The following NTM variants were observed in gnomAD, a reference collection of about 807,000 sequenced individuals.
The protein encoded by NTM is IgLON family member 2.
In NTM, 13 loss-of-function variants were observed where a neutral mutation model predicts 42.1. That is an observed-to-expected ratio of 0.31 (90% CI 0.20 to 0.49). NTM has a LOEUF of 0.49. Among genes scored for constraint, NTM ranks in the 20% least tolerant of loss-of-function variants. NTM has a pLI of 0.99. For missense variants in NTM, 373 were observed against 452.8 expected, an observed-to-expected ratio of 0.82 and a Z score of 1.60; for synonymous variants, 187 against 179.2, an observed-to-expected ratio of 1.04 and a Z score of -0.35.
intron 3 of NTM, among the ~76,000 whole-genome samples, chr11:132,154,602 G>A (rs1465540827): frequency 6.6e-6 from 1 of 152,212 alleles, no homozygotes; most frequent in Non-Finnish European, 1.5e-5. Context: ...ATGGCAGAGA[G>A]GGTGAGGATG....
chr11:131,563,653 T>A lies in NTM; in HGVS notation c.82+192765T>A, dbSNP rs560478041. Among the ~76,000 whole-genome samples, 10 of 149,540 alleles carry A rather than the reference T, an allele frequency of 6.7e-5. No individual in the cohort carries two copies. In the East Asian group the frequency reaches 2.0e-3, roughly 30 times the overall value. On this transcript the variant is annotated intron_variant, in intron 1 of 8. Transcript: ENST00000683400. ...CATATTTTTAAGAAACAATACTTAG[T>A]ACAATACCCTTGGATTGATTTCAAA...
intron 1 of NTM, among the ~76,000 whole-genome samples, chr11:131,456,248 G>T (rs1259731263): frequency 6.6e-6 from 1 of 152,216 alleles, no homozygotes; most frequent in Non-Finnish European, 1.5e-5. Context: ...GTCGCTGTTA[G>T]ATAAAACTGG....
chr11:132,019,513 A>G (rs1390139539), intron 2 of NTM, among the ~76,000 whole-genome samples: 4 of 152,024 alleles, frequency 2.6e-5, no homozygotes, highest in Admixed American at 2.0e-4. Flanking sequence ...GCATACCTAT[A>G]TAAGTATTAC....
At chr11:132,124,285 C>A (rs1407724442) in intron 2 of NTM, among the ~76,000 whole-genome samples, 2 of 152,114 alleles carry the variant, frequency 1.3e-5, no homozygotes, top group African/African-American at 4.8e-5. Flanking sequence ...TGGGGCCCTG[C>A]CCTCCCTGAG....
At chr11:132,141,227 C>G (rs1399057304) in intron 2 of NTM, among the ~76,000 whole-genome samples, 3 of 151,952 alleles carry the variant, frequency 2.0e-5, no homozygotes, top group African/African-American at 7.3e-5. Flanking sequence ...CTCTTTCTCT[C>G]TCTCTTTCTG....
intron 3 of NTM, among the ~76,000 whole-genome samples, chr11:132,193,331 A>G (rs1439103182): frequency 6.6e-6 from 1 of 152,238 alleles, no homozygotes; most frequent in African/African-American, 2.4e-5. Flanking sequence ...CAATAAAAAA[A>G]GAAATTATTA....
intron 2 of NTM, among the ~76,000 whole-genome samples, chr11:131,929,010 G>A (rs1238385461): frequency 6.6e-6 from 1 of 152,176 alleles, no homozygotes; most frequent in Non-Finnish European, 1.5e-5. Flanking sequence ...ATTTCTTCAG[G>A]AAAGAAAGTG....
intron 1 of NTM, among the ~76,000 whole-genome samples, chr11:131,806,448 C>G (rs2136273896): frequency 6.6e-6 from 1 of 152,206 alleles, no homozygotes; most frequent in African/African-American, 2.4e-5. Flanking sequence ...TTTCCACATC[C>G]CTGAAGCCTA....
intron 1 of NTM, among the ~76,000 whole-genome samples, chr11:131,866,055 C>CA (rs1329963218): frequency 6.7e-6 from 1 of 148,868 alleles, no homozygotes; most frequent in Non-Finnish European, 1.5e-5. Context: ...TACACACACA[C>CA]TACACACACA....
chr11:132,017,569 A>G (rs1464988698), intron 2 of NTM, among the ~76,000 whole-genome samples: 2 of 152,002 alleles, frequency 1.3e-5, no homozygotes, highest in Non-Finnish European at 2.9e-5. Flanking sequence ...GTAATTTTAT[A>G]GTAAGTTTGA....
At chr11:131,727,844 G>C (rs1419046605) in intron 1 of NTM, among the ~76,000 whole-genome samples, 1 of 152,154 alleles carries the variant, frequency 6.6e-6, no homozygotes, top group Non-Finnish European at 1.5e-5. Context: ...CAAAATGCAA[G>C]AAATCCCTCT....
chr11:131,808,423 C>T (rs2092603742), intron 1 of NTM, among the ~76,000 whole-genome samples: 1 of 152,198 alleles, frequency 6.6e-6, no homozygotes, highest in East Asian at 1.9e-4. Flanking sequence ...TTCAGCAAAG[C>T]ATCTAAGATG....
chr11:131,691,352 A>G (rs1197817483), intron 1 of NTM, among the ~76,000 whole-genome samples: 1 of 152,112 alleles, frequency 6.6e-6, no homozygotes, highest in African/African-American at 2.4e-5. Context: ...CGCTGCCCGG[A>G]TGATAAGGCA....
intron 1 of NTM, among the ~76,000 whole-genome samples, chr11:131,833,181 G>T (rs114912678): frequency 1.3e-5 from 2 of 152,302 alleles, no homozygotes; most frequent in African/African-American, 4.8e-5. Context: ...GCTATATTGT[G>T]TGATTTTTGT....
At chr11:132,131,885 A>G (rs2137083646) in intron 2 of NTM, among the ~76,000 whole-genome samples, 1 of 152,240 alleles carries the variant, frequency 6.6e-6, no homozygotes, top group South Asian at 2.1e-4. Context: ...AGCTTAGGAA[A>G]TGATTTGAGC....
chr11:131,418,863 T>G (rs1947218163), intron 1 of NTM, among the ~76,000 whole-genome samples: 1 of 152,218 alleles, frequency 6.6e-6, no homozygotes, highest in African/African-American at 2.4e-5. Context: ...CAGGAGGGCC[T>G]GTACTCCACA....
At chr11:131,933,869 ACT>A (rs10538512) in intron 2 of NTM, among the ~76,000 whole-genome samples, 84,685 of 151,606 alleles carry the variant, frequency 0.56, 25,594 homozygotes, top group East Asian at 0.72. Context: ...CATTTACTGA[ACT>A]CTTTTTTTCT....
chr11:131,735,655 C>T (rs372951374), intron 1 of NTM, among the ~76,000 whole-genome samples: 17 of 152,236 alleles, frequency 1.1e-4, no homozygotes, highest in South Asian at 4.1e-4. Context: ...GATGCTAAAC[C>T]GCCACCTGTG....
chr11:131,992,596 G>A (rs947675769), intron 2 of NTM, among the ~76,000 whole-genome samples: 1 of 152,020 alleles, frequency 6.6e-6, no homozygotes, highest in African/African-American at 2.4e-5. Context: ...TCCTCTTTAT[G>A]CAGAACTGCT....
Sources: gnomAD v4.1 joint callset for allele counts (sites outside exome capture counted in the v4.1 genomes callset) on GRCh38, gnomAD v4.1.1 for gene constraint, MANE v1.5 for transcripts, NCBI Gene and HGNC (gene_info 2026-07-23, HGNC 2026-07-21) for gene names.